Variants in TMC3 observed in about 807,000 individuals in gnomAD.
The protein encoded by TMC3 is transmembrane channel-like protein 3.
Under a neutral mutation model 110.6 loss-of-function variants are expected in TMC3, and 98 were observed. The ratio of observed to expected loss-of-function variants is 0.89; its 90% confidence interval spans 0.75 to 1.05. The LOEUF (loss-of-function observed/expected upper bound fraction) is 1.05, where lower values mean the gene tolerates loss of function less well. Ranked by LOEUF, TMC3 falls within the 50% of genes least tolerant of loss-of-function variation. TMC3 has a pLI of 0.00. For synonymous variants in TMC3, 489 were observed against 513.1 expected, an observed-to-expected ratio of 0.95 and a Z score of 0.63; for missense variants, 1,319 against 1,373.2, an observed-to-expected ratio of 0.96 and a Z score of 0.62.
rs74792181 is a variant in TMC3, at chr15:81,339,522, G to A, written c.1845-18C>T. The A allele has an allele frequency of 0.04, 61,933 of 1,562,984 alleles. 1,642 individuals are homozygous for A. The highest frequency in any genetic ancestry group is 0.13 in the East Asian group (5,732 of 42,778). On this transcript the variant is annotated intron_variant, in intron 16 of 21. Transcript: ENST00000359440. ...TGTTGGATCTGCAGATAAATCAGATGTCATGTGTTAAGTTCACTCCATAGC... is the reference window on the plus strand; with the variant it reads ...TGTTGGATCTGCAGATAAATCAGATATCATGTGTTAAGTTCACTCCATAGC...
chr15:81,341,249 G>A (rs1296049955), intron 16 of TMC3, 141 bp downstream of exon 16: 3 of 809,906 alleles, frequency 3.7e-6, no homozygotes, highest in Admixed American at 6.3e-5. Flanking sequence ...TCTTGGAGGA[G>A]ACAAAATTGG....
At chr15:81,344,126 TG>T in intron 13 of TMC3, 81 bp from the exon 14 acceptor site, 1 of 1,458,048 alleles carries the variant, frequency 6.9e-7, no homozygotes, top group Non-Finnish European at 9.2e-7. Context: ...TCCTAATCTC[TG>T]TTCATTCTTG....
intron 16 of TMC3, among the ~76,000 whole-genome samples, chr15:81,339,920 C>T (rs1893677485): frequency 6.6e-6 from 1 of 152,182 alleles, no homozygotes; most frequent in African/African-American, 2.4e-5. Flanking sequence ...TCTTACGTCT[C>T]GGGATGGTTT....
intron 2 of TMC3, among the ~76,000 whole-genome samples, chr15:81,370,962 C>T (rs949608525): frequency 7.9e-5 from 12 of 152,006 alleles, no homozygotes; most frequent in African/African-American, 2.2e-4. Flanking sequence ...CATGAGCCAC[C>T]GCACCCAGCC....
intron 9 of TMC3, among the ~76,000 whole-genome samples, chr15:81,353,506 T>A (rs1469974260): frequency 6.6e-6 from 1 of 152,234 alleles, no homozygotes; most frequent in East Asian, 1.9e-4. Flanking sequence ...TACCATTTTT[T>A]AATCTTTTAT....
chr15:81,373,588 A>C (rs1894484125), intron 1 of TMC3, among the ~76,000 whole-genome samples: 1 of 152,138 alleles, frequency 6.6e-6, no homozygotes. Context: ...TTCGAATAGC[A>C]CTCTCATCCA....
chr15:81,358,300 A>G lies in TMC3; in HGVS notation c.601-9T>C. On this transcript the variant is annotated splice_polypyrimidine_tract_variant and intron_variant, in intron 6 of 21. Transcript: ENST00000359440. Reference sequence around the variant, plus strand: ...GAGTACTGGAGGTAGCCCTGCAAAGAAAACACTCAGTGTCATTTCTGCTTC... The same window carrying G: ...GAGTACTGGAGGTAGCCCTGCAAAGGAAACACTCAGTGTCATTTCTGCTTC... The G allele has an allele frequency of 2.5e-6, 4 of 1,602,450 alleles. No individual in the cohort carries two copies. Among genetic ancestry groups the G allele is most frequent in the Non-Finnish European group, 3.4e-6 (4 of 1,173,730 alleles).
At chr15:81,335,993 T>C (rs1893585517) in intron 20 of TMC3, 1 of 152,242 alleles carries the variant, frequency 6.6e-6, no homozygotes, top group Non-Finnish European at 1.5e-5. Context: ...AAGAGATTCT[T>C]TGGGCTTTCA....
chr15:81,335,073 T>G, intron 20 of TMC3, 98 bp from the exon 21 acceptor site: 1 of 1,372,420 alleles, frequency 7.3e-7, no homozygotes, highest in South Asian at 1.4e-5. Context: ...CATCCAAGAG[T>G]TGGTCCGCAA....
chr15:81,333,481 T>G (rs752529154), intron 21 of TMC3, among the ~76,000 whole-genome samples: 2 of 152,194 alleles, frequency 1.3e-5, no homozygotes, highest in Non-Finnish European at 2.9e-5. Flanking sequence ...GATGTACACA[T>G]GAGTCTCCAT....
chr15:81,333,024 GT>G lies in TMC3; in HGVS notation c.2697del (p.Lys899AsnfsTer3). On this transcript the variant is annotated frameshift_variant, in exon 22 of 22. Transcript: ENST00000359440. LOFTEE classifies it low-confidence loss of function (END_TRUNC). ...VINECDSYKK[K>X]HLNVWPERHF... ...TGTCTTTCTGGCCAGACATTTAGAT[GT>G]TTTTTCTTGTAAGAGTCACATTCAT... 1 of 1,613,930 alleles carries G rather than the reference GT, an allele frequency of 6.2e-7. No individual in the cohort carries two copies.
At position 81,374,161 on chromosome 15, in the gene TMC3, A is replaced by G; in HGVS notation, c.-84T>C. 8.8e-6 allele frequency: 11 copies of G among 1,251,532 alleles called. No homozygotes were observed. Among genetic ancestry groups the G allele is most frequent in the Non-Finnish European group, 1.1e-5 (10 of 870,146 alleles). 77.5% of individuals were successfully genotyped at this position (1,251,532 alleles called of 1,614,324 possible). On this transcript the variant is annotated 5_prime_UTR_variant, in exon 1 of 22. Coordinates refer to ENST00000359440, the MANE Select transcript of TMC3 (RefSeq NM_001080532.3). ...CAAAGGTCTGTTCCGAGGTTTCTGA[A>G]TGGAAGCAGCGGAGTTTGCTCTGCC...
intron 11 of TMC3, among the ~76,000 whole-genome samples, chr15:81,347,093 G>A (rs1009349735): frequency 1.3e-5 from 2 of 152,188 alleles, no homozygotes; most frequent in Admixed American, 1.3e-4. Context: ...AGTTTCCCTA[G>A]TGCTGGAAGG....
chr15:81,365,717 A>T (rs1894301037), intron 3 of TMC3, among the ~76,000 whole-genome samples: 1 of 152,098 alleles, frequency 6.6e-6, no homozygotes, highest in African/African-American at 2.4e-5. Context: ...AGCAAAATCA[A>T]AACAAAGAAA....
chr15:81,351,441 C>T (rs1056194980), intron 10 of TMC3, among the ~76,000 whole-genome samples: 2 of 150,212 alleles, frequency 1.3e-5, no homozygotes, highest in East Asian at 2.0e-4. Flanking sequence ...TAGCCTCCGT[C>T]GCCTGGGTTC....
chr15:81,369,580 T>A (rs11073005), intron 2 of TMC3, among the ~76,000 whole-genome samples: 22,789 of 152,052 alleles, frequency 0.15, 3,174 homozygotes, highest in African/African-American at 0.37. Context: ...ATTTAAACAT[T>A]TTATGCACAC....
At chr15:81,349,689 TCC>T in intron 10 of TMC3, 122 bp from the exon 11 acceptor site, 3 of 495,256 alleles carry the variant, frequency 6.1e-6, no homozygotes, top group Non-Finnish European at 9.9e-6. Flanking sequence ...CCTTGGATCC[TCC>T]ATGGAAAATC....
chr15:81,371,321 C>G (rs1894430124), intron 2 of TMC3, among the ~76,000 whole-genome samples: 1 of 152,188 alleles, frequency 6.6e-6, no homozygotes, highest in Non-Finnish European at 1.5e-5. Context: ...GCAGAAGAGG[C>G]TGGTCAGACT....
chr15:81,346,391 C>A lies in TMC3; in HGVS notation c.1246G>T (p.Asp416Tyr). 1 of 1,613,704 alleles carries A rather than the reference C, an allele frequency of 6.2e-7. No individual in the cohort carries two copies. Among genetic ancestry groups the A allele is most frequent in the South Asian group, 1.1e-5 (1 of 90,966 alleles). Residue 416 changes from aspartate to tyrosine, a missense_variant, in exon 12 of 22, where the codon GAC becomes TAC. Transcript: ENST00000359440. Reference sequence around the variant, plus strand: ...TCAATGCTCATGCTGTTAACTTTGTCCAGGAGAGCAATGATCAGGCTGTAG... The same window carrying A: ...TCAATGCTCATGCTGTTAACTTTGTACAGGAGAGCAATGATCAGGCTGTAG... Reference protein sequence around the residue: ...NLYSLIIALLDKVNSMSIEEM... With the variant: ...NLYSLIIALLYKVNSMSIEEM...
Sources: allele counts gnomAD v4.1 joint callset (sites outside exome capture counted in the v4.1 genomes callset), GRCh38; gene constraint gnomAD v4.1.1; transcripts MANE v1.5; gene names NCBI Gene and HGNC (gene_info 2026-07-23, HGNC 2026-07-21).